FOLR2: variants seen among roughly 807,000 people sequenced by gnomAD.
The protein encoded by FOLR2 is folate receptor beta.
A neutral mutation model predicts 20.4 loss-of-function variants in FOLR2; 14 were observed. The ratio of observed to expected loss-of-function variants is 0.68; its 90% CI spans 0.45 to 1.07. The LOEUF (loss-of-function observed/expected upper bound fraction) is 1.07, where lower values mean the gene tolerates loss of function less well. Ranked by LOEUF, FOLR2 falls within the 50% of genes least tolerant of loss-of-function variation. FOLR2 has a pLI of 0.00. For missense variants in FOLR2, 269 were observed against 322.6 expected (o/e 0.83, Z 1.27); for synonymous variants, 114 against 114.3 (o/e 1.00, Z 0.02).
At chr11:72,216,982 T>G in intron 1 of FOLR2, 57 bp downstream of exon 1, 1 of 1,538,642 alleles carries the variant, frequency 6.5e-7, no homozygotes, top group Non-Finnish European at 8.9e-7. Context: ...TTGGAGAGTT[T>G]GTGCAGAGGG....
At chr11:72,218,786 G>A (rs2135401233) in intron 2 of FOLR2, 52 bp downstream of exon 2, 1 of 1,505,994 alleles carries the variant, frequency 6.6e-7, no homozygotes, top group East Asian at 2.4e-5. Context: ...TAACAGGGAG[G>A]AGAAAGTCAG....
In FOLR2 at chr11:72,221,067, T is replaced by TGGGGGGGGGGGGGGGGCCCCCCCCCCC; in HGVS notation, c.339+9_339+10insGGGGGGGGGGGGGGGGCCCCCCCCCCC. 1 of 1,570,118 alleles carries TGGGGGGGGGGGGGGGGCCCCCCCCCCC rather than the reference T, an allele frequency of 6.4e-7. No individual in the cohort carries two copies. The highest frequency in any genetic ancestry group is 8.7e-7 in the Non-Finnish European group (1 of 1,154,914). ...GGCCCTGGATCCAGCAGGTAGGGTG[T>TGGGGGGGGGGGGGGGGCCCCCCCCCCC]CTCCCCCCCACCCACCCCAGCAGAC... is the stretch of plus-strand genomic sequence containing the variant. On this transcript the variant is annotated intron_variant, in intron 3 of 4. Coordinates refer to ENST00000298223, the MANE Select transcript of FOLR2 (RefSeq NM_000803.5).
chr11:72,218,676 G>A lies in FOLR2; in HGVS notation c.92G>A (p.Cys31Tyr), dbSNP rs151140212. 6.8e-6 allele frequency: 11 copies of A among 1,612,874 alleles called. No homozygotes were observed. The highest frequency in any genetic ancestry group is 9.3e-6 in the Non-Finnish European group (11 of 1,179,412). Residue 31 changes from cysteine (C) to tyrosine (Y), a missense_variant, in exon 2 of 5, where the codon TGT becomes TAT. Cys to Tyr is a radical substitution (Grantham distance 194). Coordinates refer to ENST00000298223, the MANE Select transcript of FOLR2 (RefSeq NM_000803.5). The part of the protein sequence containing the change: ...AQDRTDLLNV[C>Y]MDAKHHKTKP... Reference sequence around the variant, plus strand: ...GACAGGACTGATCTCCTCAATGTCTGTATGGATGCCAAGCACCACAAGACA... The same window carrying A: ...GACAGGACTGATCTCCTCAATGTCTATATGGATGCCAAGCACCACAAGACA...
At chr11:72,219,080 C>T (rs1948441331) in intron 2 of FOLR2, among the ~76,000 whole-genome samples, 1 of 152,216 alleles carries the variant, frequency 6.6e-6, no homozygotes, top group Non-Finnish European at 1.5e-5. Flanking sequence ...CACAGAAGCA[C>T]ATGGGCCCAC....
intron 1 of FOLR2, 36 bp downstream of exon 1, chr11:72,216,961 A>G (rs1183788610): frequency 6.3e-7 from 1 of 1,597,376 alleles, no homozygotes; most frequent in South Asian, 1.1e-5. Flanking sequence ...TGACAAGGGC[A>G]GTGGGGAGAC....
At chr11:72,221,093 T>G (rs1162158030) in intron 3 of FOLR2, 35 bp downstream of exon 3, 1 of 639,910 alleles carries the variant, frequency 1.6e-6, no homozygotes, top group Non-Finnish European at 2.2e-6. Flanking sequence ...CCCAGCAGAC[T>G]GCCATCCCCC....
chr11:72,221,054 A>G lies in FOLR2; in HGVS notation c.335A>G (p.Gln112Arg), dbSNP rs756142886. 161 of 1,611,668 alleles carry G rather than the reference A, an allele frequency of 1.0e-4. No homozygotes were observed. The highest frequency in any genetic ancestry group is 2.8e-4 in the African/African-American group (21 of 74,896). Residue 112 changes from glutamine (Q) to arginine (R), a missense_variant, in exon 3 of 5, where the codon CAG becomes CGG. By Grantham distance (43) the Gln-to-Arg change is conservative. Coordinates refer to ENST00000298223, the MANE Select transcript of FOLR2 (RefSeq NM_000803.5). ...ECSPNLGPWI[Q>R]QVNQSWRKER... is the part of the protein sequence containing the mutation. ...TCACCCAACCTGGGGCCCTGGATCC[A>G]GCAGGTAGGGTGTCTCCCCCCCACC...
intron 1 of FOLR2, 71 bp downstream of exon 1, chr11:72,216,996 G>A: frequency 7.0e-7 from 1 of 1,421,924 alleles, no homozygotes; most frequent in East Asian, 2.3e-5. Flanking sequence ...CAGAGGGGAG[G>A]AACACACCTT....
At chr11:72,218,430 C>T (rs1287599221) in intron 1 of FOLR2, 131 bp from the exon 2 acceptor site, 3 of 752,968 alleles carry the variant, frequency 4.0e-6, no homozygotes, top group Non-Finnish European at 6.5e-6. Context: ...CAGGGAGCTT[C>T]AGGGCCCCAG....
chr11:72,220,960 G>C lies in FOLR2; in HGVS notation c.241G>C (p.Asp81His), dbSNP rs1284371119. ...DTSRLYNFNW[D>H]HCGKMEPACK... Reference sequence around the variant, plus strand: ...CTCCCGCCTGTACAACTTTAACTGGGACCACTGCGGCAAGATGGAGCCCGC... The same window carrying C: ...CTCCCGCCTGTACAACTTTAACTGGCACCACTGCGGCAAGATGGAGCCCGC... Residue 81 changes from aspartate (D) to histidine (H), a missense_variant, in exon 3 of 5, where the codon GAC (aspartate) becomes CAC (histidine). By Grantham distance (81) the Asp-to-His change is moderately conservative. Transcript: ENST00000298223. The C allele has an allele frequency of 3.1e-6, 5 of 1,613,850 alleles. No individual in the cohort carries two copies. In the Admixed American group the frequency reaches 5.0e-5, roughly 16 times the overall value.
At chr11:72,220,279 C>T (rs888984516) in intron 2 of FOLR2, among the ~76,000 whole-genome samples, 1 of 152,208 alleles carries the variant, frequency 6.6e-6, no homozygotes, top group Non-Finnish European at 1.5e-5. Flanking sequence ...CTCCATGGCT[C>T]GCTCCCTCTC....
At position 72,221,069 on chromosome 11, in the gene FOLR2, T is replaced by TGGGGGGGGCCCCCCCCCCCCCC; in HGVS notation, c.339+11_339+12insGGGGGGGGCCCCCCCCCCCCCC. On this transcript the variant is annotated intron_variant, in intron 3 of 4. Coordinates refer to ENST00000298223, the MANE Select transcript of FOLR2 (RefSeq NM_000803.5). ...CCCTGGATCCAGCAGGTAGGGTGTC[T>TGGGGGGGGCCCCCCCCCCCCCC]CCCCCCCACCCACCCCAGCAGACTG... 1 of 717,302 alleles carries TGGGGGGGGCCCCCCCCCCCCCC rather than the reference T, an allele frequency of 1.4e-6. No individual in the cohort carries two copies. The highest frequency in any genetic ancestry group is 2.2e-6 in the Non-Finnish European group (1 of 458,084). 44.4% of individuals were successfully genotyped at this position (717,302 alleles called of 1,614,324 possible).
Position 72,221,069 on chromosome 11 carries a change from T to TCTCCCCCCCCCC in FOLR2, c.339+12_339+13insTCCCCCCCCCCC. Reference sequence around the variant, plus strand: ...CCCTGGATCCAGCAGGTAGGGTGTCTCCCCCCCACCCACCCCAGCAGACTG... The same window carrying TCTCCCCCCCCCC: ...CCCTGGATCCAGCAGGTAGGGTGTCTCTCCCCCCCCCCCCCCCCCACCCACCCCAGCAGACTG... On this transcript the variant is annotated intron_variant, in intron 3 of 4. Coordinates refer to ENST00000298223, the MANE Select transcript of FOLR2 (RefSeq NM_000803.5). 1 of 717,302 alleles carries TCTCCCCCCCCCC rather than the reference T, an allele frequency of 1.4e-6. No individual in the cohort carries two copies. Among genetic ancestry groups the TCTCCCCCCCCCC allele is most frequent in the South Asian group, 1.4e-5 (1 of 69,404 alleles). The allele number at this position is 717,302 out of a possible 1,614,324, so 44.4% of individuals were successfully genotyped here.
intron 1 of FOLR2, among the ~76,000 whole-genome samples, chr11:72,218,209 T>G (rs1948424019): frequency 6.6e-6 from 1 of 152,204 alleles, no homozygotes; most frequent in African/African-American, 2.4e-5. Context: ...AGACATTATG[T>G]GTCCCTGGCT....
At position 72,221,322 on chromosome 11, in the gene FOLR2, T is replaced by C. The variant is rs774887190; in HGVS notation, c.475+11T>C. 38 of 1,612,426 alleles carry C rather than the reference T, an allele frequency of 2.4e-5. No individual in the cohort carries two copies. The highest frequency in any genetic ancestry group is 3.1e-5 in the Non-Finnish European group (36 of 1,178,940). On this transcript the variant is annotated intron_variant, in intron 4 of 4. Coordinates refer to ENST00000298223, the MANE Select transcript of FOLR2 (RefSeq NM_000803.5). ...GGGACTGGACCTCAGGTGAGGGTGA[T>C]TGAGTTGGGGTTAGGAAAAAGGAGA...
At chr11:72,221,332 G>A (rs1225810441) in intron 4 of FOLR2, 21 bp downstream of exon 4, 1 of 1,610,166 alleles carries the variant, frequency 6.2e-7, no homozygotes. Flanking sequence ...TTGAGTTGGG[G>A]TTAGGAAAAA....
intron 2 of FOLR2, among the ~76,000 whole-genome samples, chr11:72,220,305 T>G (rs966131474): frequency 6.6e-6 from 1 of 152,366 alleles, no homozygotes; most frequent in East Asian, 1.9e-4. Context: ...TTGCTCAAAA[T>G]GTCACCAATG....
chr11:72,217,106 C>T (rs965822350), intron 1 of FOLR2, among the ~76,000 whole-genome samples, 181 bp downstream of exon 1: 1 of 152,144 alleles, frequency 6.6e-6, no homozygotes, highest in African/African-American at 2.4e-5. Flanking sequence ...CTCACTGCAA[C>T]CTCTGCCTCC....
intron 2 of FOLR2, among the ~76,000 whole-genome samples, chr11:72,220,475 T>A (rs1411818314): frequency 2.6e-5 from 4 of 152,238 alleles, no homozygotes; most frequent in African/African-American, 9.6e-5. Flanking sequence ...GAATGAAAAT[T>A]CCATGAATAC....
Sources: allele counts gnomAD v4.1 joint callset (sites outside exome capture counted in the v4.1 genomes callset), GRCh38; gene constraint gnomAD v4.1.1; transcripts MANE v1.5; gene names NCBI Gene and HGNC (gene_info 2026-07-23, HGNC 2026-07-21).